Variants in SPIDR observed in about 807,000 individuals in gnomAD.
SPIDR encodes the protein DNA repair-scaffolding protein.
SPIDR carries 93 observed loss-of-function variants against 104.6 expected under a neutral mutation model. The observed-to-expected ratio is 0.89, with a 90% CI of 0.75 to 1.06. SPIDR has a LOEUF of 1.06. SPIDR is among the 50% of genes least tolerant of loss of function. SPIDR has a pLI of 0.00. For missense variants in SPIDR, 1,154 were observed against 1,111.2 expected (o/e 1.04, Z -0.55); for synonymous variants, 431 against 416.9 (o/e 1.03, Z -0.41).
At chr8:47,499,352 G>C (rs1331598112) in intron 8 of SPIDR, among the ~76,000 whole-genome samples, 1 of 152,144 alleles carries the variant, frequency 6.6e-6, no homozygotes, top group Admixed American at 6.5e-5. Context: ...TGTTGGCTCA[G>C]ACAGTTTCTT....
chr8:47,703,312 A>G (rs1053762251), intron 14 of SPIDR, among the ~76,000 whole-genome samples: 3 of 152,246 alleles, frequency 2.0e-5, no homozygotes, highest in African/African-American at 4.8e-5. Context: ...GTGGAAGAAT[A>G]AGAGAGTGAC....
At chr8:47,639,840 C>T (rs559766966) in intron 10 of SPIDR, among the ~76,000 whole-genome samples, 5 of 151,448 alleles carry the variant, frequency 3.3e-5, no homozygotes, top group South Asian at 2.1e-4. Context: ...CCCAGCTACA[C>T]GGGAGGCCGA....
At chr8:47,347,645 G>A (rs2052422784) in intron 5 of SPIDR, among the ~76,000 whole-genome samples, 1 of 152,142 alleles carries the variant, frequency 6.6e-6, no homozygotes, top group Non-Finnish European at 1.5e-5. Flanking sequence ...TCTTTATTGG[G>A]TGCATACATA....
intron 11 of SPIDR, among the ~76,000 whole-genome samples, chr8:47,690,907 C>G (rs2078548760): frequency 6.6e-6 from 1 of 152,092 alleles, no homozygotes; most frequent in African/African-American, 2.4e-5. Flanking sequence ...TAAATTTAAG[C>G]AGAGATTCAA....
chr8:47,517,313 CCACTTAAAAAAATA>C (rs2154378853), intron 8 of SPIDR, among the ~76,000 whole-genome samples: 1 of 152,124 alleles, frequency 6.6e-6, no homozygotes, highest in East Asian at 1.9e-4. Context: ...TGAAATACCC[CCACTTAAAAAAATA>C]ATTATTACTA....
At chr8:47,407,989 A>T in intron 7 of SPIDR, 28 bp downstream of exon 7, 1 of 1,248,328 alleles carries the variant, frequency 8.0e-7, no homozygotes, top group Non-Finnish European at 1.1e-6. Flanking sequence ...ATCTGAGACA[A>T]TGTGTAAAAA....
chr8:47,351,604 G>A (rs1406822848), intron 5 of SPIDR, among the ~76,000 whole-genome samples: 4 of 152,138 alleles, frequency 2.6e-5, no homozygotes, highest in African/African-American at 9.7e-5. Flanking sequence ...TTAAAGTACA[G>A]TTAGCCCTCC....
chr8:47,405,338 GTATA>G (rs1187948263), intron 6 of SPIDR, among the ~76,000 whole-genome samples: 18 of 151,402 alleles, frequency 1.2e-4, no homozygotes, highest in Non-Finnish European at 1.5e-4. Context: ...ATGTGTGTGT[GTATA>G]TATATATGTA....
intron 10 of SPIDR, among the ~76,000 whole-genome samples, chr8:47,645,983 A>G (rs2070271565): frequency 6.6e-6 from 1 of 152,194 alleles, no homozygotes; most frequent in African/African-American, 2.4e-5. Flanking sequence ...GATCCAAAAG[A>G]AAAAATTAAG....
chr8:47,577,679 AC>A (rs2154409638), intron 8 of SPIDR, among the ~76,000 whole-genome samples: 1 of 152,330 alleles, frequency 6.6e-6, no homozygotes, highest in East Asian at 1.9e-4. Context: ...TCTAGGAACA[AC>A]TATACTTAAG....
At chr8:47,339,667 A>C (rs1027519260) in intron 5 of SPIDR, among the ~76,000 whole-genome samples, 2 of 151,864 alleles carry the variant, frequency 1.3e-5, no homozygotes, top group Non-Finnish European at 2.9e-5. Context: ...GCATAACATA[A>C]CTGTTTACAA....
Position 47,496,438 on chromosome 8 carries a change from G to T in SPIDR, c.1097+55896G>T, listed in dbSNP as rs2079449424. ...TTAAATTTAGTAAAATGCTTTTTCT[G>T]TGTCTATTTAGATGATTATGTCACT... On this transcript the variant is annotated intron_variant, in intron 8 of 19. Coordinates refer to ENST00000297423, the MANE Select transcript of SPIDR (RefSeq NM_001080394.4). 2.0e-5 allele frequency among the ~76,000 whole-genome samples: 3 copies of T among 152,112 alleles called. No homozygotes were observed. In the South Asian group the frequency reaches 6.2e-4, roughly 31 times the overall value.
At chr8:47,454,853 C>G (rs2072641543) in intron 8 of SPIDR, among the ~76,000 whole-genome samples, 1 of 151,636 alleles carries the variant, frequency 6.6e-6, no homozygotes, top group East Asian at 1.9e-4. Flanking sequence ...TTCCCTCCAG[C>G]CCAGACAACA....
chr8:47,392,356 C>G (rs530478654), intron 5 of SPIDR, among the ~76,000 whole-genome samples: 5 of 152,282 alleles, frequency 3.3e-5, no homozygotes, highest in African/African-American at 1.2e-4. Context: ...TTCTCCATTT[C>G]TACATCTGCT....
At chr8:47,652,130 T>A (rs1219764223) in intron 10 of SPIDR, among the ~76,000 whole-genome samples, 3 of 151,990 alleles carry the variant, frequency 2.0e-5, no homozygotes, top group African/African-American at 7.2e-5. Context: ...AAAAAATAAA[T>A]AAGGGTCAGA....
chr8:47,277,490 T>C (rs908104692), intron 1 of SPIDR, among the ~76,000 whole-genome samples: 57 of 151,244 alleles, frequency 3.8e-4, no homozygotes, highest in African/African-American at 1.4e-3. Context: ...TTCAGCCTCC[T>C]GAGTAGCTGG....
intron 5 of SPIDR, among the ~76,000 whole-genome samples, chr8:47,379,539 C>T (rs954365203): frequency 6.6e-6 from 1 of 152,294 alleles, no homozygotes; most frequent in African/African-American, 2.4e-5. Context: ...TCATGGAAAA[C>T]TTCACTTGCA....
chr8:47,350,065 G>A (rs2053152459), intron 5 of SPIDR, among the ~76,000 whole-genome samples: 1 of 152,192 alleles, frequency 6.6e-6, no homozygotes, highest in Non-Finnish European at 1.5e-5. Context: ...CATGCTGGGA[G>A]CTTTAGACTG....
intron 14 of SPIDR, among the ~76,000 whole-genome samples, chr8:47,702,427 T>G (rs1033643801): frequency 2.6e-5 from 4 of 152,048 alleles, no homozygotes; most frequent in African/African-American, 9.7e-5. Context: ...GTGGTAGAAG[T>G]GGGAATCTCA....
Sources: allele counts gnomAD v4.1 joint callset (sites outside exome capture counted in the v4.1 genomes callset), GRCh38; gene constraint gnomAD v4.1.1; transcripts MANE v1.5; gene names NCBI Gene and HGNC (gene_info 2026-07-23, HGNC 2026-07-21).